Variants in TRPV1 observed in about 807,000 individuals in gnomAD.
TRPV1 encodes transient receptor potential cation channel subfamily V member 1.
Under a neutral mutation model 82.3 loss-of-function variants are expected in TRPV1, and 82 were observed. That is an observed-to-expected ratio of 1.00 (90% CI 0.83 to 1.20). The LOEUF (loss-of-function observed/expected upper bound fraction) is 1.20, where lower values mean the gene tolerates loss of function less well. TRPV1 is among the 50% of genes most tolerant of loss of function. The pLI is 0.00. For synonymous variants in TRPV1, 515 were observed against 467.7 expected (o/e 1.10, Z -1.30); for missense variants, 1,067 against 1,096.8 (o/e 0.97, Z 0.38).
At position 3,583,358 on chromosome 17, in the gene TRPV1, C is replaced by T. The variant is rs2075045124; in HGVS notation, c.1456G>A (p.Val486Ile). The part of the protein sequence containing the change: ...TGEILSVLGG[V>I]YFFFRGIQYF... ...CTTACCCCTCGGAAAAAGAAGTAGA[C>T]TCCTCCTAACACAGACAGGATCTCT... The change falls in exon 10 of 17, where the codon GTC becomes ATC. Residue 486 changes from valine to isoleucine, a missense_variant. Coordinates refer to ENST00000572705, the MANE Select transcript of TRPV1 (RefSeq NM_080704.4). The T allele has an allele frequency of 6.2e-7, 1 of 1,609,768 alleles. No individual in the cohort carries two copies. Among genetic ancestry groups the T allele is most frequent in the Non-Finnish European group, 8.5e-7 (1 of 1,177,948 alleles).
intron 13 of TRPV1, 104 bp from the exon 14 acceptor site, chr17:3,574,059 A>T (rs377038312): frequency 1.5e-4 from 159 of 1,053,910 alleles, no homozygotes; most frequent in East Asian, 1.3e-3. Context: ...ACTTTGTGAC[A>T]AGTTATTTTT....
chr17:3,589,342 A>G (rs1470987938), intron 7 of TRPV1, among the ~76,000 whole-genome samples: 1 of 151,598 alleles, frequency 6.6e-6, no homozygotes, highest in African/African-American at 2.4e-5. Context: ...GAGTAGCTGG[A>G]ATTGTAGGCA....
At position 3,572,161 on chromosome 17, in the gene TRPV1, T is replaced by C. The variant is rs773385691; in HGVS notation, c.2192A>G (p.Tyr731Cys). 5.0e-6 allele frequency: 8 copies of C among 1,613,548 alleles called. No individual in the cohort carries two copies. Among genetic ancestry groups the C allele is most frequent in the Non-Finnish European group, 6.8e-6 (8 of 1,179,764 alleles). Residue 731 changes from tyrosine to cysteine, a missense_variant, in exon 15 of 17, where the codon TAC (tyrosine) becomes TGC (cysteine). By Grantham distance (194) the Tyr-to-Cys change is radical. Coordinates refer to ENST00000572705, the MANE Select transcript of TRPV1 (RefSeq NM_080704.4). ...GTAGTCGTCCTTGCCATCAGGTGTGTACCCCACCTGCAGCAGCTTGCCTGA... is the reference window on the plus strand; with the variant it reads ...GTAGTCGTCCTTGCCATCAGGTGTGCACCCCACCTGCAGCAGCTTGCCTGA... The part of the protein sequence containing the change: ...FRSGKLLQVG[Y>C]TPDGKDDYRW...
At chr17:3,577,911 C>A (rs570925068) in intron 11 of TRPV1, 148 bp from the exon 12 acceptor site, 61 of 698,560 alleles carry the variant, frequency 8.7e-5, no homozygotes, top group African/African-American at 6.4e-4. Context: ...TCAGCCCAGG[C>A]GTTCTCCGTG....
intron 13 of TRPV1, among the ~76,000 whole-genome samples, chr17:3,576,705 C>G (rs1317908281): frequency 9.0e-6 from 1 of 111,068 alleles, no homozygotes; most frequent in African/African-American, 3.2e-5. Flanking sequence ...AAAAACTAGC[C>G]GGGCATGGTC....
chr17:3,601,688 C>T (rs955641672), intron 2 of TRPV1: 2 of 151,840 alleles, frequency 1.3e-5, no homozygotes, highest in Non-Finnish European at 2.9e-5. Context: ...CCTCCACCTC[C>T]TGGACTCAAA....
At chr17:3,577,056 T>C in intron 13 of TRPV1, 70 bp downstream of exon 13, 2 of 1,500,910 alleles carry the variant, frequency 1.3e-6, no homozygotes, top group Non-Finnish European at 1.8e-6. Context: ...ATTCAGCTCC[T>C]GGCAGAGTCT....
intron 2 of TRPV1, chr17:3,597,021 C>T (rs1443475241): frequency 6.6e-6 from 1 of 152,374 alleles, no homozygotes; most frequent in African/African-American, 2.4e-5. Context: ...AGTGGTCTCC[C>T]CGCCTCCGTG....
intron 13 of TRPV1, among the ~76,000 whole-genome samples, chr17:3,576,668 A>AAAAAAAAAAATATATAT: frequency 4.2e-4 from 16 of 38,416 alleles, no homozygotes; most frequent in East Asian, 1.7e-3. Context: ...AAAAAAAAAA[A>AAAAAAAAAAATATATAT]ATATATATAT....
intron 2 of TRPV1, chr17:3,602,342 C>A (rs762697489): frequency 1.3e-5 from 2 of 152,250 alleles, no homozygotes; most frequent in Non-Finnish European, 2.9e-5. Context: ...ACTCAGGAAA[C>A]GTTTGTTGGC....
intron 2 of TRPV1, among the ~76,000 whole-genome samples, chr17:3,603,163 T>A (rs1480418350): frequency 2.0e-5 from 3 of 151,350 alleles, no homozygotes; most frequent in Admixed American, 2.0e-4. Flanking sequence ...AAAAATACCC[T>A]CCTTCCTGCA....
intron 9 of TRPV1, chr17:3,585,498 G>T (rs1335269955): frequency 6.7e-5 from 27 of 404,402 alleles, no homozygotes; most frequent in Middle Eastern, 7.1e-4. Flanking sequence ...TCAGGGACCT[G>T]AGTCACCACA....
At chr17:3,577,025 C>T (rs2074941610) in intron 13 of TRPV1, 101 bp downstream of exon 13, 1 of 1,245,848 alleles carries the variant, frequency 8.0e-7, no homozygotes, top group South Asian at 1.4e-5. Flanking sequence ...AGACATGCAC[C>T]TGCCTACCCA....
Position 3,589,952 on chromosome 17 carries a change from G to A in TRPV1, c.899C>T (p.Ala300Val). The change falls in exon 7 of 17, where the codon GCC becomes GTC. Residue 300 changes from alanine (A) to valine (V), a missense_variant. By Grantham distance (64) the Ala-to-Val change is moderately conservative. Coordinates refer to ENST00000572705, the MANE Select transcript of TRPV1 (RefSeq NM_080704.4). Reference sequence around the variant, plus strand: ...GCTCGTCACAAACTTCGTGTTGTCGGCCGTGTTGTCGGCCACCTCCACCAG... The same window carrying A: ...GCTCGTCACAAACTTCGTGTTGTCGACCGTGTTGTCGGCCACCTCCACCAG... ...HALVEVADNT[A>V]DNTKFVTSMY... 6.4e-7 allele frequency: 1 copy of A among 1,567,602 alleles called. No homozygotes were observed. The highest frequency in any genetic ancestry group is 8.6e-7 in the Non-Finnish European group (1 of 1,156,800).
At chr17:3,583,226 A>G (rs1352369494) in intron 10 of TRPV1, 112 bp downstream of exon 10, 2 of 954,306 alleles carry the variant, frequency 2.1e-6, no homozygotes, top group Admixed American at 2.5e-5. Flanking sequence ...CAGCTCCCCA[A>G]GTAGGGCTAT....
intron 16 of TRPV1, among the ~76,000 whole-genome samples, chr17:3,568,601 T>A (rs1198656485): frequency 6.6e-6 from 1 of 152,172 alleles, no homozygotes; most frequent in Admixed American, 6.5e-5. Context: ...GAGTATCTAG[T>A]ACTGGGCTAG....
At position 3,591,220 on chromosome 17, in the gene TRPV1, T is replaced by A; in HGVS notation, c.418A>T (p.Ser140Cys). Residue 140 changes from serine to cysteine, a missense_variant, in exon 4 of 17, where the codon AGC becomes TGC. Ser to Cys is a moderately radical substitution (Grantham distance 112). Coordinates refer to ENST00000572705, the MANE Select transcript of TRPV1 (RefSeq NM_080704.4). The part of the protein sequence containing the change: ...LESLLLFLQK[S>C]KKHLTDNEFK... The stretch of plus-strand genomic sequence containing the variant: ...TCGTTGTCTGTGAGGTGCTTCTTGC[T>A]CTTCTGCAGGAAGAGCAGCAGGCTC... 2 of 1,612,548 alleles carry A rather than the reference T, an allele frequency of 1.2e-6. No homozygotes were observed. The highest frequency in any genetic ancestry group is 1.7e-6 in the Non-Finnish European group (2 of 1,179,458).
chr17:3,567,936 G>A (rs996615231), intron 16 of TRPV1, among the ~76,000 whole-genome samples: 1 of 152,148 alleles, frequency 6.6e-6, no homozygotes, highest in African/African-American at 2.4e-5. Context: ...CGCCAACACT[G>A]TCATGCAAAC....
intron 2 of TRPV1, among the ~76,000 whole-genome samples, chr17:3,607,718 G>A (rs1038114368): frequency 1.3e-5 from 2 of 151,480 alleles, no homozygotes; most frequent in Non-Finnish European, 2.9e-5. Context: ...TGTATTTCTA[G>A]TAGAGACGAG....
Sources: allele counts gnomAD v4.1 joint callset (sites outside exome capture counted in the v4.1 genomes callset), GRCh38; gene constraint gnomAD v4.1.1; transcripts MANE v1.5; gene names NCBI Gene and HGNC (gene_info 2026-07-23, HGNC 2026-07-21).